The following STIM1 variants were observed in gnomAD, a reference collection of about 807,000 sequenced individuals.
The protein encoded by STIM1 is stromal interaction molecule 1.
Under a neutral mutation model 74.7 loss-of-function variants are expected in STIM1, and 25 were observed. The observed-to-expected ratio is 0.33, with a 90% CI of 0.24 to 0.47. STIM1 has a LOEUF of 0.47. Ranked by LOEUF, STIM1 falls within the 20% of genes least tolerant of loss-of-function variation. The pLI is 1.00. For synonymous variants in STIM1, 328 were observed against 348.8 expected (o/e 0.94, Z 0.66); for missense variants, 728 against 920.8 (o/e 0.79, Z 2.71).
Position 4,074,311 on chromosome 11 carries a change from G to C in STIM1, c.792-191G>C, listed in dbSNP as rs543729164. 7.5e-4 allele frequency among the ~76,000 whole-genome samples: 115 copies of C among 152,370 alleles called. 1 individual carries two copies. Among genetic ancestry groups the C allele is most frequent in the African/African-American group, 2.7e-3 (111 of 41,594 alleles). On this transcript the variant is annotated intron_variant, in intron 6 of 12. Transcript: ENST00000526596. Reference sequence around the variant, plus strand: ...ATTACTGGCAGCAAAATGATGGTCAGTGTGTGAATTAGGTAATGACTGTGG... The same window carrying C: ...ATTACTGGCAGCAAAATGATGGTCACTGTGTGAATTAGGTAATGACTGTGG...
At position 3,976,255 on chromosome 11, in the gene STIM1, C is replaced by A. The variant is rs530773131; in HGVS notation, c.270+8573C>A. Reference sequence around the variant, plus strand: ...ACACAACATATGTGAATCTCAGAGGCATTATCCGAGGGAAAGAAACCAGTC... The same window carrying A: ...ACACAACATATGTGAATCTCAGAGGAATTATCCGAGGGAAAGAAACCAGTC... On this transcript the variant is annotated intron_variant, in intron 2 of 12. Coordinates refer to ENST00000526596, the MANE Select transcript of STIM1 (RefSeq NM_001382567.1). Among the ~76,000 whole-genome samples the A allele has an allele frequency of 1.6e-4, 24 of 152,300 alleles. 1 individual carries two copies. The South Asian group carries it at 4.3e-3, about 28-fold the overall frequency.
At chr11:3,938,818 G>C in intron 1 of STIM1, among the ~76,000 whole-genome samples, 1 of 152,244 alleles carries the variant, frequency 6.6e-6, no homozygotes, top group African/African-American at 2.4e-5. Context: ...CTGCGCTCCA[G>C]CCTGGGTGAC....
chr11:4,028,127 G>T (rs569955235), intron 3 of STIM1, among the ~76,000 whole-genome samples: 1 of 149,074 alleles, frequency 6.7e-6, no homozygotes, highest in East Asian at 1.9e-4. Flanking sequence ...CTGTAGCCCA[G>T]GCTGGAGTTC....
chr11:4,016,081 C>T (rs186334073), intron 2 of STIM1, among the ~76,000 whole-genome samples: 524 of 152,272 alleles, frequency 3.4e-3, no homozygotes, highest in African/African-American at 0.012. Context: ...CAGTTTTGTT[C>T]CCTTGCTGGC....
chr11:3,968,513 G>A (rs1271539276), intron 2 of STIM1, among the ~76,000 whole-genome samples: 1 of 152,186 alleles, frequency 6.6e-6, no homozygotes, highest in Admixed American at 6.5e-5. Context: ...GAGGAACAAT[G>A]AGGGCCTATA....
At chr11:3,906,706 G>A (rs535678124) in intron 1 of STIM1, among the ~76,000 whole-genome samples, 1 of 152,252 alleles carries the variant, frequency 6.6e-6, no homozygotes, top group African/African-American at 2.4e-5. Context: ...TAGGCTATAA[G>A]CTCCATGAGG....
chr11:3,941,526 T>C (rs2093004466), intron 1 of STIM1, among the ~76,000 whole-genome samples: 1 of 151,906 alleles, frequency 6.6e-6, no homozygotes, highest in South Asian at 2.1e-4. Context: ...ACGTGAGTTC[T>C]GGTGAAAGGA....
At chr11:4,053,407 AAG>A (rs1397796991) in intron 3 of STIM1, among the ~76,000 whole-genome samples, 1 of 152,352 alleles carries the variant, frequency 6.6e-6, no homozygotes, top group East Asian at 1.9e-4. Flanking sequence ...AGCCATAAAA[AAG>A]GATGAATTCA....
At chr11:4,059,088 A>T in intron 4 of STIM1, 193 bp from the exon 5 acceptor site, 1 of 791,602 alleles carries the variant, frequency 1.3e-6, no homozygotes, top group South Asian at 1.8e-5. Context: ...GGGCTGAACA[A>T]ATTCTTGGTA....
chr11:3,998,130 G>T (rs1448567667), intron 2 of STIM1, among the ~76,000 whole-genome samples: 1 of 152,032 alleles, frequency 6.6e-6, no homozygotes, highest in Non-Finnish European at 1.5e-5. Context: ...AGCTTATTTT[G>T]TGCCAGGCAC....
intron 1 of STIM1, among the ~76,000 whole-genome samples, chr11:3,889,373 T>C (rs2091830660): frequency 1.3e-5 from 2 of 151,198 alleles, no homozygotes; most frequent in Admixed American, 1.3e-4. Context: ...ATTTAATTTT[T>C]TTTTTTTTTT....
intron 2 of STIM1, among the ~76,000 whole-genome samples, chr11:4,007,825 T>C (rs2093797984): frequency 6.6e-6 from 1 of 152,238 alleles, no homozygotes; most frequent in Non-Finnish European, 1.5e-5. Context: ...CATAAGTCTG[T>C]GAGTGGTGAG....
At chr11:3,895,659 T>TTCC (rs2092062357) in intron 1 of STIM1, among the ~76,000 whole-genome samples, 1 of 26,138 alleles carries the variant, frequency 3.8e-5, no homozygotes, top group Non-Finnish European at 7.1e-5. Context: ...TCTTTCTTTC[T>TTCC]TTCTTTCTTT....
At chr11:3,994,625 AATTTTTGT>A (rs1433580288) in intron 2 of STIM1, among the ~76,000 whole-genome samples, 1 of 151,832 alleles carries the variant, frequency 6.6e-6, no homozygotes, top group Admixed American at 6.6e-5. Flanking sequence ...ACACCCGGCT[AATTTTTGT>A]ATTTTTAGTA....
At chr11:4,079,547 C>T (rs947641738) in intron 7 of STIM1, among the ~76,000 whole-genome samples, 2 of 151,852 alleles carry the variant, frequency 1.3e-5, no homozygotes, top group African/African-American at 4.8e-5. Flanking sequence ...GCACTCCAGC[C>T]TGGGTGACAG....
chr11:4,018,481 A>C (rs1235550658), intron 2 of STIM1, among the ~76,000 whole-genome samples: 2 of 149,218 alleles, frequency 1.3e-5, no homozygotes, highest in Admixed American at 6.7e-5. Flanking sequence ...AAAAAAAAAA[A>C]AAAAACAAAC....
intron 1 of STIM1, chr11:3,868,422 G>A (rs1030189523): frequency 3.9e-5 from 6 of 152,336 alleles, no homozygotes; most frequent in African/African-American, 4.8e-5. Context: ...CCAAGGTGGC[G>A]GAGCCAGGAT....
At position 3,856,261 on chromosome 11, in the gene STIM1, A is replaced by T. The variant is rs1260796797; in HGVS notation, c.-10A>T. 1 of 1,614,020 alleles carries T rather than the reference A, an allele frequency of 6.2e-7. No homozygotes were observed. The highest frequency in any genetic ancestry group is 2.2e-5 in the East Asian group (1 of 44,874). On this transcript the variant is annotated 5_prime_UTR_variant, in exon 1 of 13. Transcript: ENST00000526596. Reference sequence around the variant, plus strand: ...CCACATCAGACGCATGTTGACTGAGACCTAGAGTCATGGATGTATGCGTCC... The same window carrying T: ...CCACATCAGACGCATGTTGACTGAGTCCTAGAGTCATGGATGTATGCGTCC...
At chr11:4,004,493 C>T (rs2093755985) in intron 2 of STIM1, among the ~76,000 whole-genome samples, 1 of 150,662 alleles carries the variant, frequency 6.6e-6, no homozygotes, top group East Asian at 1.9e-4. Context: ...GGAAAGGATT[C>T]CCTATTTAAT....
Sources: allele counts gnomAD v4.1 joint callset (sites outside exome capture counted in the v4.1 genomes callset), GRCh38; gene constraint gnomAD v4.1.1; transcripts MANE v1.5; gene names NCBI Gene and HGNC (gene_info 2026-07-23, HGNC 2026-07-21).